The following CEP85L variants were observed in gnomAD, a reference collection of about 807,000 sequenced individuals.
CEP85L encodes the protein centrosomal protein 85L.
In CEP85L, 60 loss-of-function variants were observed where a neutral mutation model predicts 100.3. The observed-to-expected ratio is 0.60, with a 90% CI of 0.49 to 0.74. The LOEUF is 0.74. CEP85L is among the 30% of genes least tolerant of loss of function. The pLI, the probability that CEP85L is intolerant of heterozygous loss-of-function variation, is 0.00. For synonymous variants in CEP85L, 319 were observed against 322.7 expected, an observed-to-expected ratio of 0.99 and a Z score of 0.12; for missense variants, 973 against 936.2, an observed-to-expected ratio of 1.04 and a Z score of -0.51.
At chr6:118,709,556 T>TGA (rs150548831) in intron 1 of CEP85L, among the ~76,000 whole-genome samples, 85 of 142,300 alleles carry the variant, frequency 6.0e-4, no homozygotes, top group African/African-American at 1.9e-3. Flanking sequence ...TGTGTGTGTG[T>TGA]GAGAGAGAGA....
intron 1 of CEP85L, among the ~76,000 whole-genome samples, chr6:118,641,618 A>G (rs775996954): frequency 6.6e-6 from 1 of 152,144 alleles, no homozygotes; most frequent in Non-Finnish European, 1.5e-5. Flanking sequence ...ATTGCAGTTC[A>G]TGGCTGGTTA....
intron 1 of CEP85L, among the ~76,000 whole-genome samples, chr6:118,643,852 C>T (rs1038437358): frequency 2.6e-5 from 4 of 152,286 alleles, no homozygotes; most frequent in South Asian, 2.1e-4. Context: ...CCAGTTCAGA[C>T]GCCCTGAGCA....
rs1562297995 is a variant in CEP85L, at chr6:118,600,349, GT to G, written c.232+32103del. Among the ~76,000 whole-genome samples, 4 of 136,034 alleles carry G rather than the reference GT, an allele frequency of 2.9e-5. 1 individual carries two copies. The highest frequency in any genetic ancestry group is 3.2e-5 in the Non-Finnish European group (2 of 62,868). 89.2% of individuals were successfully genotyped at this position (136,034 alleles called of 152,430 possible). A position where few individuals can be genotyped will look rare whatever the true frequency, so the allele number is the denominator to read the frequency against. ...TGTGTGTGTGTGTGTGTGTGTGTGT[GT>G]GTGTGTGTGTGTGTGTGTGTAACGC... On this transcript the variant is annotated intron_variant, in intron 2 of 12. Coordinates refer to ENST00000368491, the MANE Select transcript of CEP85L (RefSeq NM_001042475.3).
intron 5 of CEP85L, 105 bp from the exon 6 acceptor site, chr6:118,491,970 T>A (rs960541127): frequency 2.9e-6 from 2 of 690,290 alleles, no homozygotes; most frequent in Non-Finnish European, 2.3e-6. Context: ...ATAGGCTACA[T>A]GAACAGACAC....
chr6:118,475,567 G>A (rs927717058), intron 10 of CEP85L, among the ~76,000 whole-genome samples: 1 of 151,748 alleles, frequency 6.6e-6, no homozygotes, highest in South Asian at 2.1e-4. Context: ...TGTTAGCCAG[G>A]ATGGTCTCGA....
At chr6:118,622,421 TGGGA>T (rs1037293338) in intron 2 of CEP85L, among the ~76,000 whole-genome samples, 1 of 152,182 alleles carries the variant, frequency 6.6e-6, no homozygotes, top group African/African-American at 2.4e-5. Flanking sequence ...TTATGCCGCC[TGGGA>T]GGATCTCTTA....
Position 118,463,691 on chromosome 6 carries a change from C to T in CEP85L, c.*1714G>A, listed in dbSNP as rs1474410534. The T allele has an allele frequency of 1.3e-5, 2 of 151,920 alleles. No individual in the cohort carries two copies. Among genetic ancestry groups the T allele is most frequent in the African/African-American group, 4.8e-5 (2 of 41,374 alleles). The allele number at this position is 151,920 out of a possible 1,614,324, so 9.4% of individuals were successfully genotyped here. On this transcript the variant is annotated 3_prime_UTR_variant, in exon 13 of 13. Coordinates refer to ENST00000368491, the MANE Select transcript of CEP85L (RefSeq NM_001042475.3). The stretch of plus-strand genomic sequence containing the variant: ...AATGTACTTACTGATTTCTTAGTGC[C>T]CAGATTCTCAGAAGTAAGAAGAGCA...
chr6:118,556,420 T>C (rs1778880282), intron 3 of CEP85L, among the ~76,000 whole-genome samples: 1 of 152,200 alleles, frequency 6.6e-6, no homozygotes, highest in South Asian at 2.1e-4. Flanking sequence ...ATGCCCAGTC[T>C]ACTATATAAT....
chr6:118,645,407 T>C (rs1362579125), intron 1 of CEP85L, among the ~76,000 whole-genome samples: 1 of 152,176 alleles, frequency 6.6e-6, no homozygotes, highest in Non-Finnish European at 1.5e-5. Context: ...AGCATGGTGG[T>C]TCATGCCTGT....
At chr6:118,524,332 T>TACTC (rs1178972981) in intron 3 of CEP85L, among the ~76,000 whole-genome samples, 1 of 152,132 alleles carries the variant, frequency 6.6e-6, no homozygotes, top group Non-Finnish European at 1.5e-5. Flanking sequence ...TAGTCCCAGC[T>TACTC]ACTCGGGAGG....
intron 3 of CEP85L, chr6:118,559,771 T>C (rs1191033316): frequency 5.9e-6 from 1 of 168,194 alleles, no homozygotes; most frequent in Non-Finnish European, 1.5e-5. Context: ...CACAGAATTC[T>C]AGTACATGTA....
At chr6:118,508,188 T>C (rs1011948865) in intron 5 of CEP85L, among the ~76,000 whole-genome samples, 6 of 151,992 alleles carry the variant, frequency 3.9e-5, no homozygotes, top group African/African-American at 1.4e-4. Flanking sequence ...ATTCATTTTA[T>C]TAAATGTTCA....
At position 118,491,670 on chromosome 6, in the gene CEP85L, T is replaced by G. The variant is rs753683591; in HGVS notation, c.1437+16A>C. ...AAATGTTGTTGACCTAATTCAACTT[T>G]ATTAGAAAAACCTACTTTTTCCTCT... On this transcript the variant is annotated intron_variant, in intron 6 of 12. Coordinates refer to ENST00000368491, the MANE Select transcript of CEP85L (RefSeq NM_001042475.3). 6 of 1,605,178 alleles carry G rather than the reference T, an allele frequency of 3.7e-6. No individual in the cohort carries two copies. The highest frequency in any genetic ancestry group is 1.3e-5 in the African/African-American group (1 of 74,636).
intron 10 of CEP85L, among the ~76,000 whole-genome samples, chr6:118,477,405 A>G (rs1475035079): frequency 7.9e-5 from 12 of 152,202 alleles, no homozygotes; most frequent in Admixed American, 7.9e-4. Context: ...TAAACATGCC[A>G]GTGACCTATA....
chr6:118,539,408 C>A (rs1397951906), intron 3 of CEP85L, among the ~76,000 whole-genome samples: 3 of 152,068 alleles, frequency 2.0e-5, no homozygotes, highest in Non-Finnish European at 4.4e-5. Flanking sequence ...TCGGCTATAC[C>A]ATCTAGGTTT....
rs774262431 is a variant in CEP85L at position 118,632,571 on chromosome 6, T to C, written c.114A>G (p.Ser38=). 6 of 1,612,738 alleles carry C rather than the reference T, an allele frequency of 3.7e-6. No individual in the cohort carries two copies. Among genetic ancestry groups the C allele is most frequent in the Non-Finnish European group, 5.1e-6 (6 of 1,179,496 alleles). Residue 38 remains serine (S), a synonymous_variant, in exon 2 of 13, where the codon TCA becomes TCG. Transcript: ENST00000368491. The part of the protein sequence containing the change: ...YSSAWLPANE[S]LWQATTVPSN... ...ATGGAACAGTTGTGGCCTGCCACAA[T>C]GATTCATTAGCAGGTAGCCATGCTG...
intron 10 of CEP85L, among the ~76,000 whole-genome samples, chr6:118,477,355 G>T (rs1773460619): frequency 2.0e-5 from 3 of 152,066 alleles, no homozygotes; most frequent in Non-Finnish European, 4.4e-5. Context: ...ATAACTAGTA[G>T]AGGAATGATT....
At chr6:118,493,768 G>C (rs1774724511) in intron 5 of CEP85L, among the ~76,000 whole-genome samples, 1 of 152,080 alleles carries the variant, frequency 6.6e-6, no homozygotes, top group South Asian at 2.1e-4. Flanking sequence ...TAGAAAAATA[G>C]GTTATACTTA....
At chr6:118,683,875 C>A (rs1304186826) in intron 1 of CEP85L, among the ~76,000 whole-genome samples, 2 of 152,150 alleles carry the variant, frequency 1.3e-5, no homozygotes, top group East Asian at 1.9e-4. Flanking sequence ...AAAGACTGGG[C>A]CTTTTTTTCT....
Sources: gnomAD v4.1 joint callset for allele counts (sites outside exome capture counted in the v4.1 genomes callset) on GRCh38, gnomAD v4.1.1 for gene constraint, MANE v1.5 for transcripts, NCBI Gene and HGNC (gene_info 2026-07-23, HGNC 2026-07-21) for gene names.